Variants in CPSF3 observed in about 807,000 individuals in gnomAD.
CPSF3 encodes the protein cleavage and polyadenylation specific factor 3.
CPSF3 carries 57 observed loss-of-function variants against 84.1 expected under a neutral mutation model. That is an observed-to-expected ratio of 0.68 (90% CI 0.55 to 0.85). The LOEUF is 0.85. CPSF3 is among the 40% of genes least tolerant of loss of function. CPSF3 has a pLI of 0.00. For synonymous variants in CPSF3, 275 were observed against 278.1 expected, an observed-to-expected ratio of 0.99 and a Z score of 0.11; for missense variants, 522 against 838.8, an observed-to-expected ratio of 0.62 and a Z score of 4.66.
At position 9,458,233 on chromosome 2, in the gene CPSF3, G is replaced by A. The variant is rs549550621; in HGVS notation, c.1698+1206G>A. 7.2e-5 allele frequency among the ~76,000 whole-genome samples: 11 copies of A among 151,932 alleles called. No homozygotes were observed. The East Asian group carries it at 1.4e-3, about 19-fold the overall frequency. On this transcript the variant is annotated intron_variant, in intron 14 of 17. Transcript: ENST00000238112. ...ACCCTAGCCAACATGGTGAAAACCC[G>A]TCTCTACTAAAAATACAAAAATTAG...
chr2:9,447,058 A>G (rs1681151035), intron 10 of CPSF3, among the ~76,000 whole-genome samples: 1 of 148,874 alleles, frequency 6.7e-6, no homozygotes, highest in Admixed American at 6.7e-5. Context: ...GGAGGATTGT[A>G]TAAGCCTGGG....
chr2:9,472,843 A>T, intron 17 of CPSF3, 73 bp from the exon 18 acceptor site: 1 of 1,034,740 alleles, frequency 9.7e-7, no homozygotes, highest in South Asian at 1.3e-5. Context: ...GTTTTTTTAA[A>T]GAGTATTCAT....
In CPSF3 at chr2:9,471,420, A is replaced by G. The variant is rs150832292; in HGVS notation, c.1934A>G (p.Asn645Ser). The G allele has an allele frequency of 1.8e-4, 289 of 1,608,540 alleles. 4 individuals are homozygous for G. The highest frequency in any genetic ancestry group is 1.3e-3 in the South Asian group (115 of 91,002). Residue 645 changes from asparagine (N) to serine (S), a missense_variant, in exon 17 of 18, where the codon AAC becomes AGC. Physicochemically the swap from Asn to Ser is conservative, Grantham distance 46 (BLOSUM62 1). Coordinates refer to ENST00000238112, the MANE Select transcript of CPSF3 (RefSeq NM_016207.4). ...GTCACAGTGGACGGGAAAACTGCCA[A>G]CCTTAACTTGGAGACACGGGTATGT... ...LSVTVDGKTA[N>S]LNLETRTVEC...
chr2:9,463,700 T>C (rs914308865), intron 15 of CPSF3, among the ~76,000 whole-genome samples: 1 of 152,246 alleles, frequency 6.6e-6, no homozygotes, highest in African/African-American at 2.4e-5. Flanking sequence ...AACTGACTTC[T>C]TCCTATCCAA....
At chr2:9,442,510 A>G (rs1177236028) in intron 9 of CPSF3, among the ~76,000 whole-genome samples, 1 of 152,150 alleles carries the variant, frequency 6.6e-6, no homozygotes, top group Admixed American at 6.6e-5. Context: ...AATCTTTATT[A>G]CTTTACCTTA....
intron 1 of CPSF3, among the ~76,000 whole-genome samples, chr2:9,427,319 A>T (rs1162917621): frequency 1.3e-5 from 2 of 152,274 alleles, no homozygotes; most frequent in African/African-American, 4.8e-5. Context: ...TTATTGTACC[A>T]ACATGAAGTT....
intron 16 of CPSF3, 117 bp downstream of exon 16, chr2:9,467,893 G>C: frequency 1.3e-6 from 1 of 743,970 alleles, no homozygotes; most frequent in South Asian, 1.6e-5. Flanking sequence ...CCACTGCCAT[G>C]CTCGGAGGCC....
At chr2:9,461,261 G>A (rs1473006526) in intron 15 of CPSF3, among the ~76,000 whole-genome samples, 10 of 152,248 alleles carry the variant, frequency 6.6e-5, no homozygotes, top group South Asian at 4.1e-4. Context: ...AAGCCACAAC[G>A]CATTTATATA....
intron 11 of CPSF3, among the ~76,000 whole-genome samples, chr2:9,451,282 A>G (rs1681319996): frequency 6.6e-6 from 1 of 152,182 alleles, no homozygotes; most frequent in Admixed American, 6.5e-5. Context: ...GCTACCTACA[A>G]TTAAGGAGAA....
chr2:9,428,324 C>T lies in CPSF3; in HGVS notation c.51-441C>T, dbSNP rs529606982. ...TTAAATTTAAGCCATTTGGCAAATA[C>T]ACATTATGATCTTAAAGAAGATGAC... On this transcript the variant is annotated intron_variant, in intron 1 of 17. Transcript: ENST00000238112. 3.3e-5 allele frequency among the ~76,000 whole-genome samples: 5 copies of T among 152,252 alleles called. No homozygotes were observed. The South Asian group carries it at 1.0e-3, about 32-fold the overall frequency.
At chr2:9,446,661 G>T (rs1376143337) in intron 10 of CPSF3, among the ~76,000 whole-genome samples, 2 of 151,966 alleles carry the variant, frequency 1.3e-5, no homozygotes, top group Non-Finnish European at 2.9e-5. Flanking sequence ...GGAGGCTGAG[G>T]CATGAGAATC....
chr2:9,449,426 AAAAC>A lies in CPSF3; in HGVS notation c.1395+1092_1395+1095del, dbSNP rs368476985. Among the ~76,000 whole-genome samples the A allele has an allele frequency of 1.9e-3, 285 of 152,132 alleles. 12 individuals carry two copies. The South Asian group carries it at 0.055, about 29-fold the overall frequency. On this transcript the variant is annotated intron_variant, in intron 11 of 17. Transcript: ENST00000238112. ...GAGTGACAGAGTGAGACTGTGTCTC[AAAAC>A]AAACAAACAAACAAAAAAGAAGTAA...
At chr2:9,428,339 A>G (rs1680465283) in intron 1 of CPSF3, among the ~76,000 whole-genome samples, 2 of 152,122 alleles carry the variant, frequency 1.3e-5, no homozygotes, top group East Asian at 3.8e-4. Flanking sequence ...TATGATCTTA[A>G]AGAAGATGAC....
At chr2:9,436,774 A>AAAAAAAAAAAAAAATAATAAT (rs139337028) in intron 7 of CPSF3, among the ~76,000 whole-genome samples, 12 of 143,036 alleles carry the variant, frequency 8.4e-5, no homozygotes, top group African/African-American at 2.9e-4. Context: ...CCATCTCAAA[A>AAAAAAAAAAAAAAATAATAAT]AATAATAATA....
At chr2:9,440,733 G>T (rs560489488) in intron 8 of CPSF3, 67 bp downstream of exon 8, 29 of 1,493,070 alleles carry the variant, frequency 1.9e-5, no homozygotes, top group Non-Finnish European at 2.6e-5. Context: ...TAGGAGGTAC[G>T]AGGCCGTGAG....
intron 1 of CPSF3, chr2:9,424,874 C>T (rs1680313182): frequency 6.6e-6 from 1 of 152,220 alleles, no homozygotes; most frequent in Admixed American, 6.5e-5. Flanking sequence ...AGTCCATTAT[C>T]TACTTGACCA....
rs1680966971 is a variant in CPSF3, at chr2:9,441,856, A to C, written c.975A>C (p.Val325=). The C allele has an allele frequency of 1.2e-6, 2 of 1,614,060 alleles. No individual in the cohort carries two copies. The highest frequency in any genetic ancestry group is 1.7e-6 in the Non-Finnish European group (2 of 1,180,026). The part of the protein sequence containing the change: ...DHFDDIGPSV[V]MASPGMMQSG... ...TTGATGACATTGGTCCCAGTGTTGT[A>C]ATGGCCTCCCCAGGCATGATGCAAA... The change falls in exon 9 of 18, where the codon GTA becomes GTC. Residue 325 remains valine (V), a synonymous_variant. Transcript: ENST00000238112.
intron 2 of CPSF3, among the ~76,000 whole-genome samples, 157 bp downstream of exon 2, chr2:9,428,985 C>T (rs953997083): frequency 4.6e-5 from 7 of 152,210 alleles, no homozygotes; most frequent in African/African-American, 4.8e-5. Flanking sequence ...CTAATACACA[C>T]TTCTACTTAG....
chr2:9,451,861 C>T (rs1033230450), intron 11 of CPSF3, among the ~76,000 whole-genome samples: 3 of 151,806 alleles, frequency 2.0e-5, no homozygotes, highest in Non-Finnish European at 4.4e-5. Context: ...GGACTACAGG[C>T]GCCCGCCACC....
Sources: gnomAD v4.1 joint callset for allele counts (sites outside exome capture counted in the v4.1 genomes callset) on GRCh38, gnomAD v4.1.1 for gene constraint, MANE v1.5 for transcripts, NCBI Gene and HGNC (gene_info 2026-07-23, HGNC 2026-07-21) for gene names.